The following ALK variants were observed in gnomAD, a reference collection of about 807,000 sequenced individuals.
ALK encodes ALK receptor tyrosine kinase, also known as ALK tyrosine kinase receptor.
ALK carries 74 observed loss-of-function variants against 163.1 expected under a neutral mutation model. That is an observed-to-expected ratio of 0.45 (90% confidence interval 0.38 to 0.55). The LOEUF is 0.55. Ranked by LOEUF, ALK falls within the 20% of genes least tolerant of loss-of-function variation. The pLI is 0.00. For synonymous variants in ALK, 960 were observed against 843.2 expected (o/e 1.14, Z -2.40); for missense variants, 2,063 against 2,105.3 (o/e 0.98, Z 0.39).
chr2:29,832,720 C>A (rs1389915237), intron 1 of ALK, among the ~76,000 whole-genome samples: 1 of 152,240 alleles, frequency 6.6e-6, no homozygotes, highest in Non-Finnish European at 1.5e-5. Context: ...ATCCATCCAG[C>A]CTACAAATAC....
chr2:29,906,817 C>T (rs1270335488), intron 1 of ALK, among the ~76,000 whole-genome samples: 4 of 151,874 alleles, frequency 2.6e-5, no homozygotes, highest in African/African-American at 9.7e-5. Context: ...CATTAAATTA[C>T]AGAGGAATAG....
intron 4 of ALK, among the ~76,000 whole-genome samples, chr2:29,510,732 A>G (rs1254162501): frequency 6.6e-6 from 1 of 152,240 alleles, no homozygotes; most frequent in East Asian, 1.9e-4. Flanking sequence ...AACAACTTCC[A>G]GGTATTACCT....
At chr2:29,557,618 ATAGGTCAAGAAATAGACTGT>A (rs1673899234) in intron 3 of ALK, among the ~76,000 whole-genome samples, 1 of 152,184 alleles carries the variant, frequency 6.6e-6, no homozygotes. Flanking sequence ...ACACCCATTG[ATAGGTCAAGAAATAGACTGT>A]AAGTACCTCC....
intron 4 of ALK, among the ~76,000 whole-genome samples, chr2:29,394,813 G>C (rs1413082155): frequency 1.3e-5 from 2 of 151,908 alleles, no homozygotes; most frequent in Non-Finnish European, 2.9e-5. Context: ...TAACTTTTTA[G>C]CACCATCTGT....
intron 3 of ALK, among the ~76,000 whole-genome samples, chr2:29,683,679 T>A (rs1573553434): frequency 6.6e-6 from 1 of 152,172 alleles, no homozygotes; most frequent in Non-Finnish European, 1.5e-5. Context: ...TCCTTTGTCA[T>A]GTCCAAAATT....
At chr2:29,391,290 C>G (rs1265686174) in intron 4 of ALK, among the ~76,000 whole-genome samples, 1 of 113,634 alleles carries the variant, frequency 8.8e-6, no homozygotes, top group African/African-American at 3.5e-5. Context: ...GCTCCTTTTC[C>G]TAGCCTCTTT....
chr2:29,759,047 T>G (rs547508073), intron 1 of ALK, among the ~76,000 whole-genome samples: 8 of 152,340 alleles, frequency 5.3e-5, no homozygotes, highest in Non-Finnish European at 7.3e-5. Flanking sequence ...GAATATTTAT[T>G]AAACGCAGTT....
intron 1 of ALK, among the ~76,000 whole-genome samples, chr2:29,868,868 GT>G (rs1191949298): frequency 4.6e-5 from 7 of 152,142 alleles, no homozygotes; most frequent in Non-Finnish European, 1.0e-4. Flanking sequence ...CATATAAAGG[GT>G]AGTAAACCTT....
chr2:29,217,326 G>GT (rs1233254293), intron 23 of ALK, among the ~76,000 whole-genome samples: 1 of 123,192 alleles, frequency 8.1e-6, no homozygotes, highest in Non-Finnish European at 1.6e-5. Context: ...TGTGGTGTGT[G>GT]TTTTTTGTGT....
chr2:29,791,922 C>T (rs1664200297), intron 1 of ALK, among the ~76,000 whole-genome samples: 1 of 152,096 alleles, frequency 6.6e-6, no homozygotes, highest in Admixed American at 6.6e-5. Flanking sequence ...ACTAAGTTAT[C>T]TGAAAATGAG....
intron 26 of ALK, among the ~76,000 whole-genome samples, chr2:29,198,450 C>T (rs1025161188): frequency 9.2e-5 from 14 of 152,178 alleles, no homozygotes; most frequent in African/African-American, 3.1e-4. Flanking sequence ...ACTTCCCATC[C>T]AACAGTCAGC....
At chr2:29,716,754 A>C (rs1558456652) in intron 2 of ALK, among the ~76,000 whole-genome samples, 3 of 152,108 alleles carry the variant, frequency 2.0e-5, no homozygotes, top group Non-Finnish European at 4.4e-5. Flanking sequence ...GAACCAAAAT[A>C]ATATCAAAGA....
chr2:29,790,828 C>T (rs1664168329), intron 1 of ALK, among the ~76,000 whole-genome samples: 1 of 152,166 alleles, frequency 6.6e-6, no homozygotes, highest in South Asian at 2.1e-4. Context: ...AGGTGATCCA[C>T]CTGCCTGGTC....
At chr2:29,723,056 AG>A (rs1266017705) in intron 1 of ALK, among the ~76,000 whole-genome samples, 1 of 152,030 alleles carries the variant, frequency 6.6e-6, no homozygotes, top group Admixed American at 6.6e-5. Flanking sequence ...GCCCCCCTTC[AG>A]TCTGTTCTCT....
chr2:29,531,785 G>T, intron 4 of ALK, 130 bp downstream of exon 4: 1 of 967,200 alleles, frequency 1.0e-6, no homozygotes, highest in Non-Finnish European at 1.6e-6. Context: ...AGTAGTAATT[G>T]CTCAACCTGG....
chr2:29,584,838 T>C (rs1674834163), intron 3 of ALK, among the ~76,000 whole-genome samples: 1 of 152,260 alleles, frequency 6.6e-6, no homozygotes, highest in Non-Finnish European at 1.5e-5. Flanking sequence ...TGAGTATTGG[T>C]GTCTCTTTAA....
At chr2:29,877,552 C>T (rs12475322) in intron 1 of ALK, among the ~76,000 whole-genome samples, 101,611 of 152,148 alleles carry the variant, frequency 0.67, 34,788 homozygotes, top group Non-Finnish European at 0.75. Context: ...CCATGCCTAT[C>T]ACATAGTAGG....
chr2:29,530,306 G>A (rs760709525), intron 4 of ALK, among the ~76,000 whole-genome samples: 3 of 152,168 alleles, frequency 2.0e-5, no homozygotes, highest in Admixed American at 6.5e-5. Context: ...AGTCATACCC[G>A]AGGAGTTATT....
rs190511802 is a variant in ALK, at chr2:29,631,541, C to A, written c.952+63309G>T. Among the ~76,000 whole-genome samples the A allele has an allele frequency of 2.3e-3, 352 of 152,334 alleles. 2 individuals are homozygous for A. Among genetic ancestry groups the A allele is most frequent in the Middle Eastern group, 6.8e-3 (2 of 294 alleles). ...AGGACTGGAACAGGAGTTGGAAATC[C>A]CAGCTCTGCTACCTACTAGCTGTAG... is the stretch of plus-strand genomic sequence containing the variant. On this transcript the variant is annotated intron_variant, in intron 3 of 28. Coordinates refer to ENST00000389048, the MANE Select transcript of ALK (RefSeq NM_004304.5).
Sources: allele counts gnomAD v4.1 joint callset (sites outside exome capture counted in the v4.1 genomes callset), GRCh38; gene constraint gnomAD v4.1.1; transcripts MANE v1.5; gene names NCBI Gene and HGNC (gene_info 2026-07-23, HGNC 2026-07-21).